POLR1C: variants seen among roughly 807,000 people sequenced by gnomAD.
The protein encoded by POLR1C is RNA polymerase I and III subunit C.
A neutral mutation model predicts 38.3 loss-of-function variants in POLR1C; 42 were observed. The observed-to-expected ratio is 1.10, with a 90% CI of 0.86 to 1.42. POLR1C has a LOEUF of 1.42. Ranked by LOEUF, POLR1C falls within the 40% of genes most tolerant of loss-of-function variation. POLR1C has a pLI of 0.00. For missense variants in POLR1C, 507 were observed against 450.5 expected (o/e 1.13, Z -1.14); for synonymous variants, 163 against 163.9 (o/e 0.99, Z 0.04).
downstream of POLR1C, chr6:43,525,744 C>T: frequency 1.5e-6 from 2 of 1,337,496 alleles, no homozygotes; most frequent in Middle Eastern, 1.9e-4. Context: ...AGGAGTATTA[C>T]AAAAAACTCT....
intron 9 of POLR1C, chr6:43,548,311 C>T: frequency 6.2e-7 from 1 of 1,613,408 alleles, no homozygotes; most frequent in Non-Finnish European, 8.5e-7. Context: ...CCATCAGCTC[C>T]TCTAGGAACA....
At chr6:43,523,363 C>A (rs1378964508), downstream of POLR1C, 2 of 282,950 alleles carry the variant, frequency 7.1e-6, no homozygotes, top group Non-Finnish European at 1.4e-5. Context: ...CTAACCCAGA[C>A]ATGCCCCTTA....
At chr6:43,541,223 T>A (rs1364543860) in intron 9 of POLR1C, among the ~76,000 whole-genome samples, 1 of 152,148 alleles carries the variant, frequency 6.6e-6, no homozygotes, top group Non-Finnish European at 1.5e-5. Flanking sequence ...CAATAATAAT[T>A]TTGATTGTAC....
intron 9 of POLR1C, chr6:43,548,573 CTATAAGGTTATTAT>C: frequency 1.1e-6 from 1 of 949,536 alleles, no homozygotes; most frequent in Non-Finnish European, 1.5e-6. Context: ...AAAGTCAGGC[CTATAAGGTTATTAT>C]TTGGTAATTC....
chr6:43,540,962 G>C (rs915922169), intron 9 of POLR1C, among the ~76,000 whole-genome samples: 2 of 151,828 alleles, frequency 1.3e-5, no homozygotes, highest in African/African-American at 4.8e-5. Flanking sequence ...AATATGGATA[G>C]CACTGGAGGT....
At chr6:43,519,307 T>G in intron 2 of POLR1C, 26 bp from the exon 3 acceptor site, 1 of 1,384,280 alleles carries the variant, frequency 7.2e-7, no homozygotes, top group South Asian at 1.2e-5. Context: ...CAGATTTCAC[T>G]TAAATGTTTT....
downstream of POLR1C, chr6:43,525,220 C>G: frequency 6.4e-7 from 1 of 1,568,062 alleles, no homozygotes; most frequent in East Asian, 2.3e-5. Flanking sequence ...ACATCCTGAA[C>G]AGGAAAAGAT....
intron 9 of POLR1C, among the ~76,000 whole-genome samples, chr6:43,542,861 C>G (rs1240874947): frequency 6.6e-6 from 1 of 152,128 alleles, no homozygotes; most frequent in Non-Finnish European, 1.5e-5. Flanking sequence ...AATTCTACTC[C>G]TATGTGTGTA....
At chr6:43,517,398 C>T (rs1292810739) in intron 2 of POLR1C, 21 bp downstream of exon 2, 2 of 1,610,012 alleles carry the variant, frequency 1.2e-6, no homozygotes, top group Non-Finnish European at 1.7e-6. Flanking sequence ...CCGGAGTTGT[C>T]TGGGGAGGGT....
chr6:43,525,364 C>G, downstream of POLR1C: 1 of 710,342 alleles, frequency 1.4e-6, no homozygotes, highest in Non-Finnish European at 2.3e-6. Context: ...TCCTGAACTC[C>G]TGGGCTCAAG....
chr6:43,528,801 G>C, intron 8 of POLR1C: 2 of 1,604,248 alleles, frequency 1.2e-6, no homozygotes, highest in Non-Finnish European at 1.7e-6. Context: ...AGTACTCTTT[G>C]CTTCCTGTTC....
intron 9 of POLR1C, chr6:43,547,609 C>A (rs200463953): frequency 5.0e-6 from 8 of 1,613,844 alleles, no homozygotes; most frequent in Non-Finnish European, 6.8e-6. Context: ...AAGTCTTACT[C>A]GTGCACGGTT....
chr6:43,525,291 C>A (rs531507184), downstream of POLR1C: 1 of 1,370,072 alleles, frequency 7.3e-7, no homozygotes, highest in Admixed American at 2.5e-5. Context: ...CATCAGGAGC[C>A]GGAGGGTTTT....
chr6:43,541,781 CT>C (rs1554134075), intron 9 of POLR1C, among the ~76,000 whole-genome samples: 1 of 152,268 alleles, frequency 6.6e-6, no homozygotes, highest in African/African-American at 2.4e-5. Flanking sequence ...TCCAATACTT[CT>C]TTTTTTCTTT....
At chr6:43,528,567 C>T (rs1450017643) in intron 8 of POLR1C, among the ~76,000 whole-genome samples, 1 of 152,142 alleles carries the variant, frequency 6.6e-6, no homozygotes, top group Non-Finnish European at 1.5e-5. Context: ...GCAAGCATTC[C>T]TCTTTTTACC....
intron 9 of POLR1C, chr6:43,544,395 G>A (rs1039325869): frequency 6.6e-6 from 1 of 152,348 alleles, no homozygotes; most frequent in Non-Finnish European, 1.5e-5. Flanking sequence ...AAGGTGACTA[G>A]AAATTGAAAA....
At chr6:43,531,565 T>G, downstream of POLR1C, 1 of 1,613,630 alleles carries the variant, frequency 6.2e-7, no homozygotes, top group South Asian at 1.1e-5. Flanking sequence ...CCAAGAGAGG[T>G]TGAGGTAATC....
chr6:43,553,366 T>C (rs1795345300), intron 10 of POLR1C: 1 of 1,604,192 alleles, frequency 6.2e-7, no homozygotes, highest in African/African-American at 1.3e-5. Context: ...GGGAAATAAT[T>C]ACTTACTTCT....
In POLR1C at chr6:43,539,579, G is replaced by T. The variant is rs59052112; in HGVS notation, c.*4+10220G>T. 2.6e-3 allele frequency: 3,535 copies of T among 1,352,826 alleles called. 78 individuals are homozygous for T. The African/African-American group carries it at 0.045, about 17-fold the overall frequency. The allele number at this position is 1,352,826 out of a possible 1,614,324, so 83.8% of individuals were successfully genotyped here. Reference sequence around the variant, plus strand: ...AGCTCCGCGGCCTCAGCCCCGGCCCGGTCCACGGCTGCGACCCCGGCCCCG... The same window carrying T: ...AGCTCCGCGGCCTCAGCCCCGGCCCTGTCCACGGCTGCGACCCCGGCCCCG... On this transcript the variant is annotated intron_variant, in intron 9 of 10. Coordinates refer to the POLR1C transcript ENST00000607635.
Sources: allele counts gnomAD v4.1 joint callset (sites outside exome capture counted in the v4.1 genomes callset), GRCh38; gene constraint gnomAD v4.1.1; transcripts MANE v1.5; gene names NCBI Gene and HGNC (gene_info 2026-07-23, HGNC 2026-07-21).